Variants in MAP3K7CL observed in about 807,000 individuals in gnomAD.
MAP3K7CL encodes MAP3K7 C-terminal like, also known as MAP3K7 C-terminal-like protein.
A neutral mutation model predicts 18.6 loss-of-function variants in MAP3K7CL; 16 were observed. The observed-to-expected ratio is 0.86, with a 90% CI of 0.58 to 1.31. MAP3K7CL has a LOEUF of 1.31. MAP3K7CL is among the 50% of genes most tolerant of loss of function. The pLI is 0.00. For missense variants in MAP3K7CL, 163 were observed against 174.4 expected (o/e 0.93, Z 0.37); for synonymous variants, 65 against 66.8 (o/e 0.97, Z 0.13).
At chr21:29,165,372 G>C (rs529791696) in intron 4 of MAP3K7CL, among the ~76,000 whole-genome samples, 3 of 151,984 alleles carry the variant, frequency 2.0e-5, no homozygotes, top group African/African-American at 7.3e-5. Flanking sequence ...GGGCACAGGT[G>C]GTGCTTGGTT....
intron 3 of MAP3K7CL, 74 bp from the exon 4 acceptor site, chr21:29,159,867 A>G (rs966055975): frequency 1.7e-6 from 2 of 1,182,354 alleles, no homozygotes; most frequent in South Asian, 1.3e-5. Context: ...TTTAAAGAAC[A>G]TCAGCGAGCA....
At chr21:29,083,189 C>T (rs994585674), upstream of MAP3K7CL, among the ~76,000 whole-genome samples, 1 of 152,106 alleles carries the variant, frequency 6.6e-6, no homozygotes, top group Non-Finnish European at 1.5e-5. Context: ...CAGAAATCTG[C>T]CCCCTGGACT....
At chr21:29,094,571 A>T (rs1486137746) in intron 4 of MAP3K7CL, among the ~76,000 whole-genome samples, 1 of 152,208 alleles carries the variant, frequency 6.6e-6, no homozygotes, top group Non-Finnish European at 1.5e-5. Context: ...TGAGCAAAGT[A>T]GTATCTTATT....
intron 4 of MAP3K7CL, among the ~76,000 whole-genome samples, chr21:29,100,781 C>T (rs1482413863): frequency 1.6e-4 from 22 of 137,104 alleles, no homozygotes; most frequent in Non-Finnish European, 2.6e-4. Context: ...GGCACGATCT[C>T]GGCTCACTGC....
At chr21:29,077,804 C>A (rs969308561) in intron 1 of MAP3K7CL, 2 of 152,308 alleles carry the variant, frequency 1.3e-5, no homozygotes, top group African/African-American at 4.8e-5. Flanking sequence ...GCAGAGTTTG[C>A]AAAACGCCAA....
chr21:29,153,104 A>G (rs1411257303), intron 3 of MAP3K7CL, among the ~76,000 whole-genome samples: 2 of 152,208 alleles, frequency 1.3e-5, no homozygotes. Flanking sequence ...CAGTGCTTCT[A>G]TTTTCACAGA....
intron 3 of MAP3K7CL, 136 bp downstream of exon 3, chr21:29,149,386 T>C (rs2146686899): frequency 1.3e-6 from 1 of 741,850 alleles, no homozygotes; most frequent in East Asian, 2.6e-5. Context: ...AAGGATTACA[T>C]TTCTAGAGCT....
intron 1 of MAP3K7CL, among the ~76,000 whole-genome samples, chr21:29,089,270 GGGA>G (rs1197296031): frequency 2.7e-5 from 4 of 150,148 alleles, no homozygotes; most frequent in South Asian, 2.1e-4. Flanking sequence ...TCAAGAAACT[GGGA>G]GAAGACTGCT....
In MAP3K7CL at chr21:29,171,230, A is replaced by G. The variant is rs147113891; in HGVS notation, c.249-3482A>G. Among the ~76,000 whole-genome samples the G allele has an allele frequency of 3.1e-4, 47 of 152,286 alleles. No homozygotes were observed. In the East Asian group the frequency reaches 7.7e-3, roughly 25 times the overall value. On this transcript the variant is annotated intron_variant, in intron 4 of 4. Transcript: ENST00000399928. ...CTTTTTCTTCAATTATTTATTCAGTAAGTATTTATTGTGAGCCTATTCTAT... is the reference window on the plus strand; with the variant it reads ...CTTTTTCTTCAATTATTTATTCAGTGAGTATTTATTGTGAGCCTATTCTAT...
chr21:29,101,022 T>A (rs1437818076), intron 4 of MAP3K7CL, among the ~76,000 whole-genome samples: 1 of 151,850 alleles, frequency 6.6e-6, no homozygotes, highest in Non-Finnish European at 1.5e-5. Flanking sequence ...CCTCTTTTTT[T>A]TTTTTTTTAA....
chr21:29,145,510 C>T (rs966368560), intron 2 of MAP3K7CL: 28 of 152,224 alleles, frequency 1.8e-4, no homozygotes, highest in African/African-American at 6.5e-4. Context: ...AGTGATTCAT[C>T]ATCCTGCTTT....
chr21:29,161,391 C>T (rs181667225), intron 4 of MAP3K7CL, among the ~76,000 whole-genome samples: 1 of 152,238 alleles, frequency 6.6e-6, no homozygotes, highest in Non-Finnish European at 1.5e-5. Context: ...CTCAAGCAAT[C>T]CTCCAACCTT....
intron 2 of MAP3K7CL, among the ~76,000 whole-genome samples, chr21:29,148,144 C>A (rs771036719): frequency 1.3e-5 from 2 of 151,450 alleles, no homozygotes; most frequent in African/African-American, 2.4e-5. Flanking sequence ...TATGTATGTA[C>A]TGTATATGTA....
intron 4 of MAP3K7CL, chr21:29,092,643 A>G: frequency 6.3e-7 from 1 of 1,592,980 alleles, no homozygotes; most frequent in South Asian, 1.1e-5. Context: ...ACACTGCACC[A>G]TGGGAGCCTA....
intron 4 of MAP3K7CL, among the ~76,000 whole-genome samples, chr21:29,122,822 G>T (rs1474120139): frequency 6.6e-6 from 1 of 152,110 alleles, no homozygotes; most frequent in East Asian, 1.9e-4. Context: ...AGGTTTGAGG[G>T]TGGGGTCCTC....
upstream of MAP3K7CL, among the ~76,000 whole-genome samples, chr21:29,083,855 T>TGC (rs926199828): frequency 6.6e-6 from 1 of 150,466 alleles, no homozygotes; most frequent in African/African-American, 2.4e-5. Flanking sequence ...TGTATATATG[T>TGC]GTGTGTGTGT....
chr21:29,108,233 A>G (rs1284198386), intron 4 of MAP3K7CL, among the ~76,000 whole-genome samples: 2 of 152,152 alleles, frequency 1.3e-5, no homozygotes, highest in Admixed American at 6.5e-5. Flanking sequence ...TGTCCTTATA[A>G]GAAGAGATAC....
upstream of MAP3K7CL, among the ~76,000 whole-genome samples, chr21:29,130,332 C>G (rs2086755421): frequency 6.6e-6 from 1 of 152,216 alleles, no homozygotes; most frequent in African/African-American, 2.4e-5. Flanking sequence ...CATTCTTAAC[C>G]AGGATCCTCG....
chr21:29,114,231 G>C (rs964837704), intron 4 of MAP3K7CL, among the ~76,000 whole-genome samples: 1 of 151,926 alleles, frequency 6.6e-6, no homozygotes, highest in South Asian at 2.1e-4. Flanking sequence ...ACCATGCCTA[G>C]CTAAATTTTG....
Sources: allele counts gnomAD v4.1 joint callset (sites outside exome capture counted in the v4.1 genomes callset), GRCh38; gene constraint gnomAD v4.1.1; transcripts MANE v1.5; gene names NCBI Gene and HGNC (gene_info 2026-07-23, HGNC 2026-07-21).